The following EXOC4 variants were observed in gnomAD, a reference collection of about 807,000 sequenced individuals.
The protein encoded by EXOC4 is exocyst complex component 4, also known as SEC8-like 1.
Under a neutral mutation model 107.2 loss-of-function variants are expected in EXOC4, and 71 were observed. That is an observed-to-expected ratio of 0.66 (90% CI 0.55 to 0.81). The LOEUF (loss-of-function observed/expected upper bound fraction) is 0.81. Ranked by LOEUF, EXOC4 falls within the 30% of genes least tolerant of loss-of-function variation. The pLI, the probability that EXOC4 is intolerant of heterozygous loss-of-function variation, is 0.00. For missense variants in EXOC4, 1,108 were observed against 1,189.6 expected (o/e 0.93, Z 1.01); for synonymous variants, 456 against 441.2 (o/e 1.03, Z -0.42).
intron 6 of EXOC4, among the ~76,000 whole-genome samples, chr7:133,357,376 C>G (rs920124122): frequency 6.6e-6 from 1 of 152,164 alleles, no homozygotes; most frequent in Non-Finnish European, 1.5e-5. Context: ...CCATTTGATT[C>G]TAAAATCCAT....
chr7:133,802,721 C>G (rs1400288522), intron 10 of EXOC4, among the ~76,000 whole-genome samples: 1 of 151,642 alleles, frequency 6.6e-6, no homozygotes, highest in Non-Finnish European at 1.5e-5. Context: ...GTGGTGGAAG[C>G]CTGTAATCCC....
chr7:133,994,165 C>T (rs1455565557), intron 14 of EXOC4, among the ~76,000 whole-genome samples: 3 of 152,146 alleles, frequency 2.0e-5, no homozygotes, highest in Non-Finnish European at 4.4e-5. Context: ...CTCCCTGTGC[C>T]CATGTGTTCT....
Position 133,912,798 on chromosome 7 carries a change from G to A in EXOC4, c.1872-4785G>A, listed in dbSNP as rs138152384. ...CCAGTTAAAATAGACGTTGGCAAAC[G>A]CAAAGGTTGTGGCCCTTGAGTGCAC... On this transcript the variant is annotated intron_variant, in intron 12 of 17. Transcript: ENST00000253861. Among the ~76,000 whole-genome samples the A allele has an allele frequency of 6.8e-4, 103 of 152,284 alleles. 1 individual carries two copies. The East Asian group carries it at 0.016, about 23-fold the overall frequency.
chr7:133,497,444 T>C (rs1162173651), intron 9 of EXOC4, among the ~76,000 whole-genome samples: 1 of 151,560 alleles, frequency 6.6e-6, no homozygotes. Context: ...TTTTTTTTTT[T>C]GAGACGGAGT....
chr7:133,291,678 C>T (rs894799376), intron 3 of EXOC4, among the ~76,000 whole-genome samples: 40 of 152,002 alleles, frequency 2.6e-4, no homozygotes, highest in Admixed American at 3.3e-4. Flanking sequence ...CTACTCTGCC[C>T]GGCCTGTTAT....
At chr7:133,840,387 A>G (rs1798000793) in intron 11 of EXOC4, among the ~76,000 whole-genome samples, 1 of 152,252 alleles carries the variant, frequency 6.6e-6, no homozygotes, top group African/African-American at 2.4e-5. Flanking sequence ...AGCAACAACA[A>G]CAAAAATCTA....
intron 14 of EXOC4, among the ~76,000 whole-genome samples, chr7:133,982,899 A>C (rs1399321659): frequency 6.6e-6 from 1 of 152,218 alleles, no homozygotes; most frequent in East Asian, 1.9e-4. Context: ...AGGGATACAA[A>C]GATAAAAGTG....
intron 7 of EXOC4, among the ~76,000 whole-genome samples, chr7:133,467,785 C>T (rs950186474): frequency 1.3e-5 from 2 of 151,754 alleles, no homozygotes; most frequent in African/African-American, 4.8e-5. Context: ...TTCACACATT[C>T]TAAGATTCAA....
chr7:133,549,772 C>T (rs1481823385), intron 9 of EXOC4, among the ~76,000 whole-genome samples: 2 of 152,110 alleles, frequency 1.3e-5, no homozygotes, highest in African/African-American at 4.8e-5. Flanking sequence ...AAGGACAGCA[C>T]AAGAAATCTT....
chr7:133,386,716 T>G (rs892950978), intron 7 of EXOC4, among the ~76,000 whole-genome samples: 1 of 152,242 alleles, frequency 6.6e-6, no homozygotes, highest in Non-Finnish European at 1.5e-5. Flanking sequence ...TTAAACCTTC[T>G]GTGGTAAAAG....
At chr7:133,989,090 A>C (rs1794186828) in intron 14 of EXOC4, among the ~76,000 whole-genome samples, 1 of 152,222 alleles carries the variant, frequency 6.6e-6, no homozygotes, top group Non-Finnish European at 1.5e-5. Flanking sequence ...AGAAAGTGGC[A>C]GTAGATAACA....
the EXOC4 span, among the ~76,000 whole-genome samples, chr7:134,093,536 G>C: frequency 5.3e-5 from 8 of 152,054 alleles, no homozygotes; most frequent in Non-Finnish European, 1.2e-4. Flanking sequence ...AACTAACAAA[G>C]AAATCCTGGA....
At chr7:133,311,967 G>A (rs117965130) in intron 4 of EXOC4, among the ~76,000 whole-genome samples, 2 of 152,290 alleles carry the variant, frequency 1.3e-5, no homozygotes, top group East Asian at 3.9e-4. Flanking sequence ...TGGCGGAAAT[G>A]CGTAGCTTTC....
chr7:133,928,370 C>T (rs1281637947), intron 13 of EXOC4, among the ~76,000 whole-genome samples: 1 of 152,142 alleles, frequency 6.6e-6, no homozygotes, highest in Admixed American at 6.5e-5. Flanking sequence ...GCCGAAAGCC[C>T]GTGCCTGCTG....
intron 17 of EXOC4, among the ~76,000 whole-genome samples, chr7:134,013,028 C>T (rs1585321440): frequency 6.6e-6 from 1 of 152,152 alleles, no homozygotes; most frequent in Non-Finnish European, 1.5e-5. Flanking sequence ...ATCTTTCATA[C>T]ACAACTTACC....
chr7:133,597,765 C>T (rs1801715675), intron 9 of EXOC4, among the ~76,000 whole-genome samples: 1 of 152,024 alleles, frequency 6.6e-6, no homozygotes, highest in Non-Finnish European at 1.5e-5. Flanking sequence ...AATCCCAGCA[C>T]TTTGGGAGGC....
chr7:133,976,879 A>G (rs1585294140), intron 14 of EXOC4, among the ~76,000 whole-genome samples: 1 of 152,266 alleles, frequency 6.6e-6, no homozygotes, highest in East Asian at 1.9e-4. Context: ...TTAATCCAGC[A>G]AGGGAACATG....
intron 14 of EXOC4, among the ~76,000 whole-genome samples, chr7:133,987,770 A>T (rs1198464895): frequency 6.6e-6 from 1 of 152,142 alleles, no homozygotes; most frequent in African/African-American, 2.4e-5. Flanking sequence ...CTTGCCTGAC[A>T]GCTGATACCA....
chr7:133,945,321 AT>A (rs1195102084), intron 14 of EXOC4, among the ~76,000 whole-genome samples: 1 of 152,160 alleles, frequency 6.6e-6, no homozygotes, highest in African/African-American at 2.4e-5. Flanking sequence ...GCCCCTAAAA[AT>A]TTCTTCTTTA....
Sources: gnomAD v4.1 joint callset for allele counts (sites outside exome capture counted in the v4.1 genomes callset) on GRCh38, gnomAD v4.1.1 for gene constraint, MANE v1.5 for transcripts, NCBI Gene and HGNC (gene_info 2026-07-23, HGNC 2026-07-21) for gene names.